Variants in MECOM observed in about 807,000 individuals in gnomAD.
The protein encoded by MECOM is MDS1 and EVI1 complex locus.
In MECOM, 13 loss-of-function variants were observed where a neutral mutation model predicts 116.3. The observed-to-expected ratio is 0.11, with a 90% CI of 0.07 to 0.18. The LOEUF (loss-of-function observed/expected upper bound fraction) is 0.18. MECOM is among the 10% of genes least tolerant of loss of function. MECOM has a pLI of 1.00. For missense variants in MECOM, 1,299 were observed against 1,509.0 expected, an observed-to-expected ratio of 0.86 and a Z score of 2.31; for synonymous variants, 528 against 535.2, an observed-to-expected ratio of 0.99 and a Z score of 0.19.
In MECOM at chr3:169,593,521, C is replaced by T. The variant is rs187096156; in HGVS notation, c.37+69815G>A. Among the ~76,000 whole-genome samples, 25 of 152,182 alleles carry T rather than the reference C, an allele frequency of 1.6e-4. 1 individual carries two copies. Among genetic ancestry groups the T allele is most frequent in the East Asian group, 1.6e-3 (8 of 5,156 alleles). On this transcript the variant is annotated intron_variant, in intron 1 of 16. Transcript: ENST00000651503. ...GCCCATGACATATTAGCATGTGAATCTCCTTCAGTGTTATTGATAAAAATT... is the reference window on the plus strand; with the variant it reads ...GCCCATGACATATTAGCATGTGAATTTCCTTCAGTGTTATTGATAAAAATT...
intron 2 of MECOM, among the ~76,000 whole-genome samples, chr3:169,149,935 C>CTCTCTGTGTGTGTGTG: frequency 7.6e-6 from 1 of 131,312 alleles, no homozygotes; most frequent in South Asian, 2.7e-4. Flanking sequence ...TTCTCTCTCT[C>CTCTCTGTGTGTGTGTG]TGTGTGTGTG....
chr3:169,100,186 C>A (rs1303010777), intron 12 of MECOM, among the ~76,000 whole-genome samples: 1 of 149,214 alleles, frequency 6.7e-6, no homozygotes, highest in Non-Finnish European at 1.5e-5. Flanking sequence ...GCAACCTCCA[C>A]CTCCCAGGTG....
intron 2 of MECOM, among the ~76,000 whole-genome samples, chr3:169,171,737 T>C (rs191678164): frequency 2.0e-5 from 3 of 152,140 alleles, no homozygotes; most frequent in East Asian, 3.9e-4. Flanking sequence ...TCCTCAACTA[T>C]TGTAAAATGG....
chr3:169,564,985 G>A (rs531127816), intron 1 of MECOM, among the ~76,000 whole-genome samples: 2 of 152,298 alleles, frequency 1.3e-5, no homozygotes, highest in South Asian at 2.1e-4. Flanking sequence ...TGCAGCAAAG[G>A]CACCATGTAT....
At chr3:169,626,303 T>C (rs1771364776) in intron 1 of MECOM, among the ~76,000 whole-genome samples, 1 of 152,218 alleles carries the variant, frequency 6.6e-6, no homozygotes, top group Non-Finnish European at 1.5e-5. Flanking sequence ...ATGTACACTA[T>C]GTAAATTTCT....
intron 2 of MECOM, among the ~76,000 whole-genome samples, chr3:169,299,069 G>A (rs1361350317): frequency 6.6e-6 from 1 of 152,148 alleles, no homozygotes; most frequent in Non-Finnish European, 1.5e-5. Context: ...AAGACTCAGA[G>A]AAGACAGTTA....
At chr3:169,254,051 T>C (rs1253217365) in intron 2 of MECOM, among the ~76,000 whole-genome samples, 4 of 152,132 alleles carry the variant, frequency 2.6e-5, no homozygotes, top group Non-Finnish European at 4.4e-5. Context: ...TGTGATGCCC[T>C]TTTAAAAAAT....
chr3:169,597,991 T>C (rs1767338945), intron 1 of MECOM, among the ~76,000 whole-genome samples: 1 of 152,174 alleles, frequency 6.6e-6, no homozygotes, highest in African/African-American at 2.4e-5. Context: ...AATTGGCACT[T>C]CCAGCGTTAG....
intron 2 of MECOM, among the ~76,000 whole-genome samples, chr3:169,341,351 T>TA (rs1724469653): frequency 6.8e-6 from 1 of 147,552 alleles, no homozygotes; most frequent in Non-Finnish European, 1.5e-5. Flanking sequence ...TCAAAACAAT[T>TA]GAACTCATGG....
At chr3:169,216,180 G>A (rs764948594) in intron 2 of MECOM, among the ~76,000 whole-genome samples, 9 of 152,296 alleles carry the variant, frequency 5.9e-5, no homozygotes, top group Middle Eastern at 6.8e-3. Context: ...TTTTCTGGCT[G>A]CTTTCATTGA....
chr3:169,301,454 T>C (rs1414911906), intron 2 of MECOM, among the ~76,000 whole-genome samples: 3 of 152,336 alleles, frequency 2.0e-5, no homozygotes, highest in Non-Finnish European at 2.9e-5. Flanking sequence ...TGATAGCCTA[T>C]GGCTTTTCAC....
chr3:169,372,621 C>T (rs761485692), intron 2 of MECOM, among the ~76,000 whole-genome samples: 9 of 151,890 alleles, frequency 5.9e-5, no homozygotes, highest in Non-Finnish European at 1.3e-4. Flanking sequence ...AAAAATCAAT[C>T]GATAAAATAT....
chr3:169,631,020 T>A (rs894023234), intron 1 of MECOM, among the ~76,000 whole-genome samples: 5 of 152,250 alleles, frequency 3.3e-5, no homozygotes, highest in African/African-American at 7.2e-5. Context: ...GGAAGCATAT[T>A]GATGTCCTCC....
intron 1 of MECOM, among the ~76,000 whole-genome samples, chr3:169,658,942 G>A (rs935652401): frequency 6.6e-6 from 1 of 152,018 alleles, no homozygotes; most frequent in East Asian, 1.9e-4. Context: ...GGAGGAGGGC[G>A]TCCCCCCTTC....
Position 169,646,308 on chromosome 3 carries a change from T to C in MECOM, c.37+17028A>G, listed in dbSNP as rs868058705. Among the ~76,000 whole-genome samples the C allele has an allele frequency of 2.5e-4, 16 of 65,138 alleles. No individual in the cohort carries two copies. The Middle Eastern group carries it at 0.048, about 194-fold the overall frequency. The allele number at this position is 65,138 out of a possible 152,430, so 42.7% of individuals were successfully genotyped here. On this transcript the variant is annotated intron_variant, in intron 1 of 16. Coordinates refer to ENST00000651503, the MANE Select transcript of MECOM (RefSeq NM_004991.4). Reference sequence around the variant, plus strand: ...GAACATCACACACCGGGGCCTGTCATGGGGTGGGGGGAGGGGGAGGGGGAG... The same window carrying C: ...GAACATCACACACCGGGGCCTGTCACGGGGTGGGGGGAGGGGGAGGGGGAG...
At chr3:169,117,653 T>C (rs181911876) in intron 7 of MECOM, among the ~76,000 whole-genome samples, 14 of 152,364 alleles carry the variant, frequency 9.2e-5, no homozygotes, top group Non-Finnish European at 1.3e-4. Flanking sequence ...GTGAAAGCTC[T>C]AATCCAGAAA....
chr3:169,192,546 ATGCATGGACACT>A, intron 2 of MECOM, among the ~76,000 whole-genome samples: 1 of 152,174 alleles, frequency 6.6e-6, no homozygotes, highest in South Asian at 2.1e-4. Flanking sequence ...TATGGACATT[ATGCATGGACACT>A]TCTTTTTGTT....
At chr3:169,452,502 GA>G (rs1465967294) in intron 1 of MECOM, among the ~76,000 whole-genome samples, 1 of 152,070 alleles carries the variant, frequency 6.6e-6, no homozygotes, top group Non-Finnish European at 1.5e-5. Context: ...CATTGTATTG[GA>G]ATTTGTTGAT....
intron 1 of MECOM, among the ~76,000 whole-genome samples, chr3:169,591,555 C>T (rs1766413078): frequency 6.6e-6 from 1 of 152,160 alleles, no homozygotes; most frequent in South Asian, 2.1e-4. Context: ...TAAGACAGAG[C>T]AGTGAATGGC....
Sources: gnomAD v4.1 joint callset for allele counts (sites outside exome capture counted in the v4.1 genomes callset) on GRCh38, gnomAD v4.1.1 for gene constraint, MANE v1.5 for transcripts, NCBI Gene and HGNC (gene_info 2026-07-23, HGNC 2026-07-21) for gene names.